Variants in PREX2 observed in about 807,000 individuals in gnomAD.
The protein encoded by PREX2 is phosphatidylinositol-3,4,5-trisphosphate dependent Rac exchange factor 2.
A neutral mutation model predicts 203.2 loss-of-function variants in PREX2; 107 were observed. The ratio of observed to expected loss-of-function variants is 0.53; its 90% CI spans 0.45 to 0.62. The LOEUF (loss-of-function observed/expected upper bound fraction) is 0.62. Among genes scored for constraint, PREX2 ranks in the 20% least tolerant of loss-of-function variants. The pLI is 0.00. For synonymous variants in PREX2, 672 were observed against 663.6 expected (o/e 1.01, Z -0.19); for missense variants, 1,777 against 1,955.9 (o/e 0.91, Z 1.72).
chr8:68,145,738 T>C (rs964015062), intron 33 of PREX2, among the ~76,000 whole-genome samples: 4 of 152,080 alleles, frequency 2.6e-5, no homozygotes, highest in African/African-American at 9.7e-5. Flanking sequence ...CAACAAAGGC[T>C]AATATATTTC....
chr8:67,957,884 G>A (rs1043731677), intron 1 of PREX2, among the ~76,000 whole-genome samples: 1 of 152,184 alleles, frequency 6.6e-6, no homozygotes, highest in Admixed American at 6.5e-5. Context: ...CTTTAAATAG[G>A]TGATAGAGTT....
chr8:67,954,055 C>A lies in PREX2; in HGVS notation c.141+1520C>A, dbSNP rs1805428075. On this transcript the variant is annotated intron_variant, in intron 1 of 39. Transcript: ENST00000288368. ...ACAGTTAATCTAATTATATTAAAAA[C>A]CAATTTGTTGATCTTTATTTAAAAT... 2.0e-5 allele frequency among the ~76,000 whole-genome samples: 3 copies of A among 152,052 alleles called. No individual in the cohort carries two copies. The South Asian group carries it at 6.2e-4, about 32-fold the overall frequency.
rs2129612789 is a variant in PREX2, at chr8:68,108,151, C to T, written c.2758C>T (p.Gln920Ter). Reference protein sequence around the residue: ...LKNRAWPTFKQAKSKISPLHS... With the variant: ...LKNRAWPTFK ...GAATAGGGCCTGGCCTACTTTTAAA[C>T]AGGCCAAATCTAAAATCTCCCCACT... is the stretch of plus-strand genomic sequence containing the variant. The change falls in exon 24 of 40, where the codon CAG (glutamine) becomes TAG (stop). Residue 920 changes from glutamine (Q) to a stop codon, truncating the protein, a stop_gained. Coordinates refer to ENST00000288368, the MANE Select transcript of PREX2 (RefSeq NM_024870.4). LOFTEE classifies it high-confidence loss of function. 6.2e-7 allele frequency: 1 copy of T among 1,613,836 alleles called. No individual in the cohort carries two copies. Among genetic ancestry groups the T allele is most frequent in the East Asian group, 2.2e-5 (1 of 44,850 alleles).
chr8:68,062,514 C>T (rs746621276), intron 11 of PREX2, among the ~76,000 whole-genome samples: 1 of 152,184 alleles, frequency 6.6e-6, no homozygotes, highest in African/African-American at 2.4e-5. Context: ...CCACCCTGAC[C>T]ATCTGTCTCT....
intron 11 of PREX2, among the ~76,000 whole-genome samples, chr8:68,067,236 G>A (rs2890419): frequency 0.52 from 79,611 of 151,796 alleles, 20,917 homozygotes; most frequent in South Asian, 0.56. Context: ...TTTTAGGATT[G>A]TTTTTTCTAT....
At chr8:68,022,192 G>A (rs1173164689) in intron 4 of PREX2, 52 bp downstream of exon 4, 1 of 909,258 alleles carries the variant, frequency 1.1e-6, no homozygotes, top group South Asian at 1.3e-5. Flanking sequence ...GCTAGATCCA[G>A]TGAGAGCCAA....
rs1006041789 is a variant in PREX2 at position 68,236,413 on chromosome 8, A to C, written c.*5035A>C. 1.3e-5 allele frequency: 2 copies of C among 152,190 alleles called. No homozygotes were observed. Among genetic ancestry groups the C allele is most frequent in the African/African-American group, 4.8e-5 (2 of 41,446 alleles). The allele number at this position is 152,190 out of a possible 1,614,324, so 9.4% of individuals were successfully genotyped here. ...TGTTGGGGCTGGTATATGTGTGGAC[A>C]TGTTTGATTTGAAAACCTTCGTGGT... is the stretch of plus-strand genomic sequence containing the variant. On this transcript the variant is annotated 3_prime_UTR_variant, in exon 40 of 40. Coordinates refer to ENST00000288368, the MANE Select transcript of PREX2 (RefSeq NM_024870.4).
intron 37 of PREX2, among the ~76,000 whole-genome samples, chr8:68,202,126 T>C (rs1812518495): frequency 6.6e-6 from 1 of 152,040 alleles, no homozygotes; most frequent in Non-Finnish European, 1.5e-5. Context: ...GGTCTTGAAC[T>C]CCTGAACTCG....
intron 23 of PREX2, chr8:68,101,432 T>G (rs764063078): frequency 3.9e-6 from 2 of 518,856 alleles, no homozygotes; most frequent in African/African-American, 1.9e-5. Context: ...TCAGGGTTGC[T>G]GGTTACCTGC....
chr8:68,048,039 A>G (rs533528755), intron 8 of PREX2, among the ~76,000 whole-genome samples: 189 of 152,188 alleles, frequency 1.2e-3, no homozygotes, highest in African/African-American at 4.5e-3. Context: ...ATTTGTATAT[A>G]TATTTATTTA....
At chr8:68,086,440 C>T (rs545937698) in intron 18 of PREX2, among the ~76,000 whole-genome samples, 2 of 152,256 alleles carry the variant, frequency 1.3e-5, no homozygotes, top group South Asian at 4.1e-4. Context: ...GTTTAATATG[C>T]CCTTGAAGTG....
At chr8:68,167,037 C>T (rs1811774245) in intron 35 of PREX2, among the ~76,000 whole-genome samples, 1 of 152,144 alleles carries the variant, frequency 6.6e-6, no homozygotes, top group African/African-American at 2.4e-5. Context: ...GAATATAACT[C>T]TTGACTCCAG....
At chr8:68,157,924 C>T (rs564359426) in intron 35 of PREX2, among the ~76,000 whole-genome samples, 1 of 151,932 alleles carries the variant, frequency 6.6e-6, no homozygotes, top group East Asian at 1.9e-4. Flanking sequence ...TTGCATTTTA[C>T]TGTCTTTTTC....
At chr8:68,223,761 A>G (rs886824600) in intron 38 of PREX2, among the ~76,000 whole-genome samples, 1 of 152,196 alleles carries the variant, frequency 6.6e-6, no homozygotes, top group East Asian at 1.9e-4. Flanking sequence ...AGATTTTATT[A>G]TAAACTCTGA....
intron 23 of PREX2, among the ~76,000 whole-genome samples, chr8:68,101,758 A>G (rs1810270985): frequency 6.6e-6 from 1 of 152,298 alleles, no homozygotes; most frequent in African/African-American, 2.4e-5. Flanking sequence ...CTGGGTGTCA[A>G]ACTGGTCACC....
intron 4 of PREX2, among the ~76,000 whole-genome samples, chr8:68,026,139 C>A (rs922052226): frequency 6.6e-6 from 1 of 152,068 alleles, no homozygotes; most frequent in African/African-American, 2.4e-5. Context: ...TAAGAGCATG[C>A]ATTTGCTGCT....
chr8:68,131,065 T>A (rs1563559052), intron 31 of PREX2, among the ~76,000 whole-genome samples: 1 of 152,248 alleles, frequency 6.6e-6, no homozygotes, highest in Non-Finnish European at 1.5e-5. Context: ...TGAGCGGTAC[T>A]GTGTGGCTCA....
At chr8:68,119,955 A>G (rs1810736466) in intron 28 of PREX2, among the ~76,000 whole-genome samples, 1 of 152,314 alleles carries the variant, frequency 6.6e-6, no homozygotes, top group South Asian at 2.1e-4. Context: ...AAGGATTCCA[A>G]TAACTTATAC....
chr8:68,093,667 T>G lies in PREX2; in HGVS notation c.2313T>G (p.Ser771=), dbSNP rs751422176. The change falls in exon 21 of 40, where the codon TCT becomes TCG. Residue 771 remains serine, a synonymous_variant. Transcript: ENST00000288368. ...IESAQEDLQK[S]HSKPPGDEAG... ...GTGCTCAAGAAGACCTTCAAAAATCTCACTCCAAGCCCCCTGGAGATGAAG... is the reference window on the plus strand; with the variant it reads ...GTGCTCAAGAAGACCTTCAAAAATCGCACTCCAAGCCCCCTGGAGATGAAG... The G allele has an allele frequency of 1.2e-6, 2 of 1,612,162 alleles. No homozygotes were observed. Among genetic ancestry groups the G allele is most frequent in the South Asian group, 2.2e-5 (2 of 90,984 alleles).
Sources: allele counts gnomAD v4.1 joint callset (sites outside exome capture counted in the v4.1 genomes callset), GRCh38; gene constraint gnomAD v4.1.1; transcripts MANE v1.5; gene names NCBI Gene and HGNC (gene_info 2026-07-23, HGNC 2026-07-21).